Variants in PXDNL observed in about 807,000 individuals in gnomAD.
PXDNL encodes the protein peroxidasin like.
PXDNL carries 145 observed loss-of-function variants against 150.8 expected under a neutral mutation model. The ratio of observed to expected loss-of-function variants is 0.96; its 90% CI spans 0.84 to 1.10. PXDNL has a LOEUF of 1.10. PXDNL is among the 50% of genes least tolerant of loss of function. The probability of loss-of-function intolerance (pLI) is 0.00; values close to 1 mark genes in which losing one functional copy is unlikely to be tolerated. For missense variants in PXDNL, 2,087 were observed against 1,873.9 expected (o/e 1.11, Z -2.10); for synonymous variants, 757 against 725.7 (o/e 1.04, Z -0.69).
chr8:51,702,692 G>C (rs1816281560), intron 1 of PXDNL, among the ~76,000 whole-genome samples: 2 of 152,096 alleles, frequency 1.3e-5, no homozygotes, highest in South Asian at 4.1e-4. Flanking sequence ...TCCACTGATA[G>C]GAAGATTAAA....
intron 4 of PXDNL, among the ~76,000 whole-genome samples, chr8:51,519,182 T>C (rs1585544137): frequency 6.6e-6 from 1 of 152,154 alleles, no homozygotes; most frequent in South Asian, 2.1e-4. Context: ...AAGATAAAAA[T>C]CTAGATTGGA....
intron 1 of PXDNL, among the ~76,000 whole-genome samples, chr8:51,742,381 A>G (rs1296736124): frequency 6.6e-6 from 1 of 152,178 alleles, no homozygotes; most frequent in Non-Finnish European, 1.5e-5. Flanking sequence ...GTTGGGGGAG[A>G]ACAGTGTACA....
intron 1 of PXDNL, among the ~76,000 whole-genome samples, chr8:51,759,032 G>T (rs1475494190): frequency 6.6e-6 from 1 of 152,144 alleles, no homozygotes; most frequent in Non-Finnish European, 1.5e-5. Context: ...ATTTCCTGGG[G>T]CTGGAATAGA....
rs754184707 is a variant in PXDNL at position 51,704,481 on chromosome 8, A to G, written c.165-49721T>C. ...TCCTAGTGTCTGTGTGCAAGAATGT[A>G]TCTAAGTTATGTACCTGGAAATTAA... is the stretch of plus-strand genomic sequence containing the variant. On this transcript the variant is annotated intron_variant, in intron 1 of 22. Transcript: ENST00000356297. Among the ~76,000 whole-genome samples the G allele has an allele frequency of 7.9e-5, 12 of 152,360 alleles. No individual in the cohort carries two copies. The South Asian group carries it at 8.3e-4, about 11-fold the overall frequency.
At chr8:51,637,628 A>C (rs1363674082) in intron 2 of PXDNL, among the ~76,000 whole-genome samples, 2 of 152,208 alleles carry the variant, frequency 1.3e-5, no homozygotes, top group African/African-American at 2.4e-5. Context: ...GAATGAAATG[A>C]AGTGAAAAGA....
At chr8:51,760,184 T>C (rs1337597382) in intron 1 of PXDNL, among the ~76,000 whole-genome samples, 1 of 152,222 alleles carries the variant, frequency 6.6e-6, no homozygotes, top group African/African-American at 2.4e-5. Context: ...TTAACAAGTT[T>C]AAAGAGTAAA....
intron 3 of PXDNL, among the ~76,000 whole-genome samples, chr8:51,591,082 T>C (rs78090643): frequency 0.01 from 1,544 of 148,278 alleles, 25 homozygotes; most frequent in African/African-American, 0.037. Context: ...GCCATTATCA[T>C]GGGAGTGGAT....
At chr8:51,628,399 C>CTTTTTTTTTTTTTTTTT (rs71550276) in intron 2 of PXDNL, among the ~76,000 whole-genome samples, 41 of 69,748 alleles carry the variant, frequency 5.9e-4, no homozygotes, top group African/African-American at 8.8e-4. Flanking sequence ...CTTTTCTTTT[C>CTTTTTTTTTTTTTTTTT]TTTTTTTTTT....
chr8:51,404,239 C>G (rs374526445), intron 17 of PXDNL, among the ~76,000 whole-genome samples: 5 of 152,200 alleles, frequency 3.3e-5, no homozygotes, highest in African/African-American at 7.2e-5. Flanking sequence ...CGAAAGAGAC[C>G]GGAGTGGATT....
At chr8:51,624,099 CA>C (rs59841822) in intron 2 of PXDNL, among the ~76,000 whole-genome samples, 2,556 of 79,490 alleles carry the variant, frequency 0.032, 33 homozygotes, top group African/African-American at 0.071. Context: ...TCTCAAATTA[CA>C]AAAAAAAAAA....
intron 2 of PXDNL, among the ~76,000 whole-genome samples, chr8:51,639,400 C>A (rs569397821): frequency 6.6e-6 from 1 of 152,184 alleles, no homozygotes; most frequent in African/African-American, 2.4e-5. Flanking sequence ...TCAAAAACAT[C>A]AACGAATCCA....
chr8:51,404,914 C>G (rs546519704), intron 17 of PXDNL, among the ~76,000 whole-genome samples: 1 of 152,154 alleles, frequency 6.6e-6, no homozygotes, highest in Non-Finnish European at 1.5e-5. Context: ...CAGGAGCCCA[C>G]GGCAAGGGTT....
intron 2 of PXDNL, among the ~76,000 whole-genome samples, chr8:51,633,992 T>G (rs1346645218): frequency 6.6e-6 from 1 of 152,172 alleles, no homozygotes; most frequent in East Asian, 1.9e-4. Context: ...AATCAGGTCC[T>G]GCTTGTCAAT....
intron 17 of PXDNL, among the ~76,000 whole-genome samples, chr8:51,397,500 G>A (rs1808119171): frequency 6.6e-6 from 1 of 152,004 alleles, no homozygotes; most frequent in South Asian, 2.1e-4. Context: ...TAAGAATCAG[G>A]CATTGTTAGA....
intron 1 of PXDNL, among the ~76,000 whole-genome samples, chr8:51,807,124 TAAAG>T (rs537304697): frequency 1.7e-3 from 253 of 152,262 alleles, no homozygotes; most frequent in African/African-American, 5.7e-3. Context: ...CACACTGTGA[TAAAG>T]AAATACCTGA....
chr8:51,555,513 A>G (rs1485927484), intron 4 of PXDNL, among the ~76,000 whole-genome samples: 3 of 152,240 alleles, frequency 2.0e-5, no homozygotes, highest in Non-Finnish European at 4.4e-5. Context: ...CTGTGTTTTA[A>G]TACTATAACC....
chr8:51,326,420 C>G (rs991735003), intron 21 of PXDNL, among the ~76,000 whole-genome samples: 1 of 152,170 alleles, frequency 6.6e-6, no homozygotes, highest in African/African-American at 2.4e-5. Flanking sequence ...ATCGCTTGAA[C>G]CTGCAAAGCA....
At position 51,458,103 on chromosome 8, in the gene PXDNL, AT is replaced by A. The variant is rs757532512; in HGVS notation, c.813-437del. On this transcript the variant is annotated intron_variant, in intron 8 of 22. Coordinates refer to ENST00000356297, the MANE Select transcript of PXDNL (RefSeq NM_144651.5). ...CATATTTTGTTAAAGTGTAAAAAAA[AT>A]ATTCCTATTCAAACCAGCACGGGCT... is the stretch of plus-strand genomic sequence containing the variant. 6.1e-4 allele frequency among the ~76,000 whole-genome samples: 93 copies of A among 152,346 alleles called. 1 individual carries two copies. Among genetic ancestry groups the A allele is most frequent in the South Asian group, 3.5e-3 (17 of 4,830 alleles).
At chr8:51,734,861 C>T (rs1301014993) in intron 1 of PXDNL, among the ~76,000 whole-genome samples, 2 of 152,232 alleles carry the variant, frequency 1.3e-5, no homozygotes, top group African/African-American at 4.8e-5. Context: ...TCTTGGAAGT[C>T]TCAGGTTTAA....
Sources: gnomAD v4.1 joint callset for allele counts (sites outside exome capture counted in the v4.1 genomes callset) on GRCh38, gnomAD v4.1.1 for gene constraint, MANE v1.5 for transcripts, NCBI Gene and HGNC (gene_info 2026-07-23, HGNC 2026-07-21) for gene names.